CADM1: variants seen among roughly 807,000 people sequenced by gnomAD.
The protein encoded by CADM1 is cell adhesion molecule 1.
A neutral mutation model predicts 53.1 loss-of-function variants in CADM1; 15 were observed. The observed-to-expected ratio is 0.28, with a 90% CI of 0.19 to 0.44. The LOEUF (loss-of-function observed/expected upper bound fraction) is 0.44. Ranked by LOEUF, CADM1 falls within the 20% of genes least tolerant of loss-of-function variation. The pLI is 1.00. For synonymous variants in CADM1, 281 were observed against 243.0 expected, an observed-to-expected ratio of 1.16 and a Z score of -1.45; for missense variants, 434 against 611.3, an observed-to-expected ratio of 0.71 and a Z score of 3.06.
At chr11:115,211,200 AT>A (rs1233451293) in intron 7 of CADM1, among the ~76,000 whole-genome samples, 2 of 151,924 alleles carry the variant, frequency 1.3e-5, no homozygotes, top group African/African-American at 4.8e-5. Flanking sequence ...GTAGGGAAGC[AT>A]TTTGTGACCT....
intron 1 of CADM1, among the ~76,000 whole-genome samples, chr11:115,452,031 G>A (rs1948583012): frequency 6.6e-6 from 1 of 151,972 alleles, no homozygotes; most frequent in African/African-American, 2.4e-5. Context: ...AATGAATATG[G>A]ATTAACTTAC....
chr11:115,488,397 A>G (rs1354918671), intron 1 of CADM1, among the ~76,000 whole-genome samples: 1 of 152,204 alleles, frequency 6.6e-6, no homozygotes, highest in African/African-American at 2.4e-5. Context: ...CAATAATGTC[A>G]GGAAGTTAGA....
chr11:115,329,503 AC>A, intron 1 of CADM1, among the ~76,000 whole-genome samples: 1 of 151,924 alleles, frequency 6.6e-6, no homozygotes, highest in East Asian at 1.9e-4. Flanking sequence ...ATGCTCTAAC[AC>A]CTTATGGGAG....
At chr11:115,375,296 A>G (rs1174192519) in intron 1 of CADM1, among the ~76,000 whole-genome samples, 4 of 152,214 alleles carry the variant, frequency 2.6e-5, no homozygotes. Context: ...CAAACAAAAA[A>G]ATGTAGAACT....
At chr11:115,395,995 T>C (rs1946985495) in intron 1 of CADM1, among the ~76,000 whole-genome samples, 2 of 152,194 alleles carry the variant, frequency 1.3e-5, no homozygotes, top group South Asian at 4.1e-4. Flanking sequence ...CAGGATCACC[T>C]GTGTACTTAG....
chr11:115,478,691 G>T (rs929926264), intron 1 of CADM1, among the ~76,000 whole-genome samples: 1 of 152,112 alleles, frequency 6.6e-6, no homozygotes, highest in East Asian at 1.9e-4. Context: ...CCATTGTTAA[G>T]AGCTTTCTGT....
intron 1 of CADM1, among the ~76,000 whole-genome samples, chr11:115,314,909 C>G (rs1440375076): frequency 1.3e-5 from 2 of 152,206 alleles, no homozygotes; most frequent in African/African-American, 4.8e-5. Context: ...CAAATGGTCA[C>G]TTTCAGCAGA....
chr11:115,229,508 T>C (rs1381967750), intron 4 of CADM1, among the ~76,000 whole-genome samples: 4 of 152,236 alleles, frequency 2.6e-5, no homozygotes, highest in Non-Finnish European at 5.9e-5. Context: ...CCAAATACCA[T>C]ACACTATTTT....
At chr11:115,323,766 T>A (rs937197851) in intron 1 of CADM1, among the ~76,000 whole-genome samples, 1 of 151,918 alleles carries the variant, frequency 6.6e-6, no homozygotes, top group Non-Finnish European at 1.5e-5. Flanking sequence ...GATTATAGTA[T>A]CGCTTGCCCA....
At chr11:115,192,418 C>G (rs1939922503) in intron 9 of CADM1, among the ~76,000 whole-genome samples, 2 of 152,214 alleles carry the variant, frequency 1.3e-5, no homozygotes, top group Admixed American at 1.3e-4. Context: ...ATAGAGGCAA[C>G]TGAGTAGAGA....
At chr11:115,316,701 AC>A (rs1944676062) in intron 1 of CADM1, among the ~76,000 whole-genome samples, 1 of 152,202 alleles carries the variant, frequency 6.6e-6, no homozygotes. Flanking sequence ...ATGCAATGAT[AC>A]AAATGCCAAA....
chr11:115,387,182 G>C (rs1459110616), intron 1 of CADM1, among the ~76,000 whole-genome samples: 2 of 152,214 alleles, frequency 1.3e-5, no homozygotes, highest in East Asian at 1.9e-4. Context: ...TAATAAGTAT[G>C]CTTGATTAAA....
intron 1 of CADM1, among the ~76,000 whole-genome samples, chr11:115,290,212 T>C (rs1943851121): frequency 2.0e-5 from 3 of 152,230 alleles, no homozygotes; most frequent in Non-Finnish European, 4.4e-5. Context: ...TGGCATTTTC[T>C]ATACACAGTG....
At chr11:115,445,152 T>C (rs974830170) in intron 1 of CADM1, among the ~76,000 whole-genome samples, 1 of 152,236 alleles carries the variant, frequency 6.6e-6, no homozygotes, top group Admixed American at 6.5e-5. Context: ...TCCTGAAGTA[T>C]ATGCCTTCCC....
chr11:115,240,945 G>A (rs1192235880), intron 1 of CADM1: 2 of 160,438 alleles, frequency 1.2e-5, no homozygotes, highest in African/African-American at 2.4e-5. Context: ...GTGTGAGTGA[G>A]TGACTCTTTG....
At chr11:115,481,887 A>T (rs1949264691) in intron 1 of CADM1, among the ~76,000 whole-genome samples, 1 of 152,020 alleles carries the variant, frequency 6.6e-6, no homozygotes, top group African/African-American at 2.4e-5. Flanking sequence ...CTCCTACCTG[A>T]GTCTCTAATC....
chr11:115,215,378 C>T (rs1410331934), intron 6 of CADM1, among the ~76,000 whole-genome samples: 1 of 152,180 alleles, frequency 6.6e-6, no homozygotes, highest in African/African-American at 2.4e-5. Context: ...TCCCCCTACC[C>T]AGAATGCCAC....
intron 1 of CADM1, among the ~76,000 whole-genome samples, chr11:115,333,021 G>A (rs145192793): frequency 6.6e-6 from 1 of 152,206 alleles, no homozygotes; most frequent in Non-Finnish European, 1.5e-5. Context: ...ACCAGTCCCA[G>A]ACTAGAACGT....
intron 1 of CADM1, among the ~76,000 whole-genome samples, chr11:115,466,814 AAT>A (rs1249039799): frequency 6.6e-6 from 1 of 152,214 alleles, no homozygotes; most frequent in African/African-American, 2.4e-5. Flanking sequence ...ACCAAATATG[AAT>A]ATGATTATGA....
Sources: allele counts gnomAD v4.1 joint callset (sites outside exome capture counted in the v4.1 genomes callset), GRCh38; gene constraint gnomAD v4.1.1; transcripts MANE v1.5; gene names NCBI Gene and HGNC (gene_info 2026-07-23, HGNC 2026-07-21).